Variants in KMT2C observed in about 807,000 individuals in gnomAD.
KMT2C encodes the protein histone-lysine N-methyltransferase 2C.
A neutral mutation model predicts 507.9 loss-of-function variants in KMT2C; 88 were observed. That is an observed-to-expected ratio of 0.17 (90% CI 0.15 to 0.21). The LOEUF (loss-of-function observed/expected upper bound fraction) is 0.21, where lower values mean the gene tolerates loss of function less well. Among genes scored for constraint, KMT2C ranks in the 10% least tolerant of loss-of-function variants. KMT2C has a pLI of 1.00. For missense variants in KMT2C, 4,954 were observed against 5,957.8 expected, an observed-to-expected ratio of 0.83 and a Z score of 5.55; for synonymous variants, 2,049 against 2,080.8, an observed-to-expected ratio of 0.98 and a Z score of 0.42.
At chr7:152,260,237 A>G (rs2095746214) in intron 9 of KMT2C, among the ~76,000 whole-genome samples, 1 of 152,232 alleles carries the variant, frequency 6.6e-6, no homozygotes, top group Admixed American at 6.5e-5. Context: ...AGTATCCAAT[A>G]GTATTCCCAG....
chr7:152,382,577 T>C (rs868224530), intron 1 of KMT2C, among the ~76,000 whole-genome samples: 322 of 84,168 alleles, frequency 3.8e-3, no homozygotes, highest in Middle Eastern at 6.3e-3. Flanking sequence ...GATTCATTAG[T>C]AAGCTGAATG....
Position 152,162,751 on chromosome 7 carries a change from TTTCTTG to T in KMT2C, c.10820_10825del (p.Thr3607_Arg3608del), listed in dbSNP as rs1651325437. 6.2e-7 allele frequency: 1 copy of T among 1,614,104 alleles called. No individual in the cohort carries two copies. The highest frequency in any genetic ancestry group is 1.3e-5 in the African/African-American group (1 of 74,938). ...TTCTGCATCATCATCTCTTTTCTTC[TTTCTTG>T]TTCTTTTCTTTTTCCCTTTTTCCTC... On this transcript the variant is annotated inframe_deletion, in exon 43 of 59. Coordinates refer to ENST00000262189, the MANE Select transcript of KMT2C (RefSeq NM_170606.3).
intron 6 of KMT2C, among the ~76,000 whole-genome samples, chr7:152,290,220 A>ATG (rs71198772): frequency 0.1 from 8,696 of 86,062 alleles, 539 homozygotes; most frequent in East Asian, 0.18. Context: ...TTATATATAT[A>ATG]TGTGTGTGTG....
At chr7:152,198,373 T>C (rs544595223) in intron 27 of KMT2C, among the ~76,000 whole-genome samples, 2 of 152,360 alleles carry the variant, frequency 1.3e-5, no homozygotes, top group East Asian at 3.8e-4. Flanking sequence ...CATTAACTAC[T>C]TAACATCCAA....
chr7:152,427,970 G>T (rs867424023), intron 1 of KMT2C, among the ~76,000 whole-genome samples: 2 of 152,110 alleles, frequency 1.3e-5, no homozygotes, highest in African/African-American at 4.8e-5. Flanking sequence ...TACAACTATT[G>T]TAACAGCCTA....
intron 2 of KMT2C, among the ~76,000 whole-genome samples, chr7:152,350,437 G>A (rs2097101337): frequency 6.6e-6 from 1 of 152,134 alleles, no homozygotes; most frequent in South Asian, 2.1e-4. Context: ...CACAAACCTA[G>A]ATGGTATAGC....
At chr7:152,357,997 A>G (rs1248085274) in intron 2 of KMT2C, among the ~76,000 whole-genome samples, 1 of 152,210 alleles carries the variant, frequency 6.6e-6, no homozygotes, top group Non-Finnish European at 1.5e-5. Context: ...TCCTACAGGT[A>G]TCCTCTCAAT....
At chr7:152,236,701 T>C (rs2095282121) in intron 15 of KMT2C, among the ~76,000 whole-genome samples, 1 of 152,216 alleles carries the variant, frequency 6.6e-6, no homozygotes, top group African/African-American at 2.4e-5. Context: ...TGTTATTACT[T>C]TTATTTTTGA....
At chr7:152,410,672 A>G (rs1046276674) in intron 1 of KMT2C, among the ~76,000 whole-genome samples, 3 of 149,132 alleles carry the variant, frequency 2.0e-5, no homozygotes, top group African/African-American at 7.3e-5. Flanking sequence ...GATTATGTAT[A>G]TATGTATATG....
chr7:152,246,483 C>T (rs1416300905), intron 14 of KMT2C, among the ~76,000 whole-genome samples: 1 of 151,920 alleles, frequency 6.6e-6, no homozygotes, highest in Non-Finnish European at 1.5e-5. Context: ...GAAAAAGAGT[C>T]CTAATGTATT....
At chr7:152,346,888 A>G (rs1253259610) in intron 2 of KMT2C, among the ~76,000 whole-genome samples, 2 of 152,218 alleles carry the variant, frequency 1.3e-5, no homozygotes, top group East Asian at 1.9e-4. Context: ...GCACTCTGGG[A>G]GGCCGAGGCG....
intron 1 of KMT2C, among the ~76,000 whole-genome samples, chr7:152,417,591 C>A (rs2097752473): frequency 6.6e-6 from 1 of 152,190 alleles, no homozygotes; most frequent in Non-Finnish European, 1.5e-5. Flanking sequence ...AGCAAATAGA[C>A]ATTAGAGCCT....
rs759977137 is a variant in KMT2C at position 152,152,833 on chromosome 7, T to C, written c.12398A>G (p.Asn4133Ser). The change falls in exon 49 of 59, where the codon AAC (asparagine) becomes AGC (serine). Residue 4133 changes from asparagine (N) to serine (S), a missense_variant. Coordinates refer to ENST00000262189, the MANE Select transcript of KMT2C (RefSeq NM_170606.3). ...ATGCTGTCGATACTCCAAACCCGGG[T>C]TGATTCTGTGGCTACTGACCAAACC... is the stretch of plus-strand genomic sequence containing the variant. ...SMGLVSSHRI[N>S]PGLEYRQHLL... The C allele has an allele frequency of 2.5e-6, 4 of 1,613,942 alleles. No individual in the cohort carries two copies. The highest frequency in any genetic ancestry group is 3.4e-6 in the Non-Finnish European group (4 of 1,179,956).
In KMT2C at chr7:152,312,137, C is replaced by T. The variant is rs190120491; in HGVS notation, c.591-191G>A. On this transcript the variant is annotated intron_variant, in intron 4 of 58. Coordinates refer to ENST00000262189, the MANE Select transcript of KMT2C (RefSeq NM_170606.3). ...ATTAAACTGGGTTGCCATATTATAT[C>T]GTATAAGTAACAAGTAAGAAAAAGA... is the stretch of plus-strand genomic sequence containing the variant. 395 of 387,438 alleles carry T rather than the reference C, an allele frequency of 1.0e-3. 5 individuals are homozygous for T. The highest frequency in any genetic ancestry group is 7.5e-3 in the African/African-American group (364 of 48,490). 24.0% of individuals were successfully genotyped at this position (387,438 alleles called of 1,614,324 possible).
intron 16 of KMT2C, among the ~76,000 whole-genome samples, chr7:152,231,485 AAAG>A (rs561549817): frequency 2.6e-5 from 4 of 152,308 alleles, no homozygotes; most frequent in Non-Finnish European, 4.4e-5. Flanking sequence ...GGAACAACTG[AAAG>A]AAGATTAACC....
At chr7:152,423,897 T>C (rs1009057793) in intron 1 of KMT2C, among the ~76,000 whole-genome samples, 1 of 152,192 alleles carries the variant, frequency 6.6e-6, no homozygotes, top group African/African-American at 2.4e-5. Context: ...TTGATATTCA[T>C]AATTGTTTTA....
At chr7:152,161,060 GAAGGCTGC>G (rs2092428915) in intron 43 of KMT2C, among the ~76,000 whole-genome samples, 1 of 152,222 alleles carries the variant, frequency 6.6e-6, no homozygotes, top group African/African-American at 2.4e-5. Flanking sequence ...TAAAAAGACA[GAAGGCTGC>G]AAGTTATTCA....
chr7:152,141,359 C>G lies in KMT2C; in HGVS notation c.14344-1568G>C, dbSNP rs528083329. 2.6e-5 allele frequency among the ~76,000 whole-genome samples: 4 copies of G among 151,810 alleles called. No individual in the cohort carries two copies. In the South Asian group the frequency reaches 8.3e-4, roughly 32 times the overall value. ...AATAGATCCCTGCATGTATGAAAAT[C>G]TAACGTACAGTAGTAACTGGTATTA... On this transcript the variant is annotated intron_variant, in intron 55 of 58. Transcript: ENST00000262189.
In KMT2C at chr7:152,148,367, T is replaced by C. The variant is rs1208862339; in HGVS notation, c.13560A>G (p.Ala4520=). Residue 4520 remains alanine (A), a synonymous_variant, in exon 52 of 59, where the codon GCA becomes GCG. Coordinates refer to ENST00000262189, the MANE Select transcript of KMT2C (RefSeq NM_170606.3). The surrounding 1 kb of genome is among the most constrained non-coding windows in gnomAD (Gnocchi z 7.1). ...GIHEQELSYF[A]VFRRVYVQRD... ...GCTGAACATAGACCCTCCTGAAGACTGCAAAGTAACTTAATTCTTGCTCAT... is the reference window on the plus strand; with the variant it reads ...GCTGAACATAGACCCTCCTGAAGACCGCAAAGTAACTTAATTCTTGCTCAT... The C allele has an allele frequency of 6.2e-7, 1 of 1,614,140 alleles. No homozygotes were observed. The highest frequency in any genetic ancestry group is 8.5e-7 in the Non-Finnish European group (1 of 1,180,064).
Sources: gnomAD v4.1 joint callset for allele counts (sites outside exome capture counted in the v4.1 genomes callset) on GRCh38, gnomAD v4.1.1 for gene constraint, Gnocchi (gnomAD v3.1) non-coding constraint, MANE v1.5 for transcripts, NCBI Gene and HGNC (gene_info 2026-07-23, HGNC 2026-07-21) for gene names.